Variants in EAF1 observed in about 807,000 individuals in gnomAD.
EAF1 encodes ELL-associated factor 1.
In EAF1, 19 loss-of-function variants were observed where a neutral mutation model predicts 26.6. The ratio of observed to expected loss-of-function variants is 0.71; its 90% CI spans 0.50 to 1.05. The LOEUF is 1.05. Among genes scored for constraint, EAF1 ranks in the 50% least tolerant of loss-of-function variants. The pLI is 0.00. For synonymous variants in EAF1, 102 were observed against 120.6 expected (o/e 0.85, Z 1.01); for missense variants, 260 against 335.5 (o/e 0.78, Z 1.76).
Position 15,439,915 on chromosome 3 carries a change from T to A in EAF1, c.*760T>A, listed in dbSNP as rs961121440. 6.6e-6 allele frequency: 1 copy of A among 152,222 alleles called. No individual in the cohort carries two copies. Among genetic ancestry groups the A allele is most frequent in the African/African-American group, 2.4e-5 (1 of 41,446 alleles). 9.4% of individuals were successfully genotyped at this position (152,222 alleles called of 1,614,324 possible). A position where few individuals can be genotyped will look rare whatever the true frequency, so the allele number is the denominator to read the frequency against. On this transcript the variant is annotated 3_prime_UTR_variant, in exon 6 of 6. Coordinates refer to ENST00000396842, the MANE Select transcript of EAF1 (RefSeq NM_033083.7). ...TTTTAGATGTACATTGGCACTTGGATTAGATTCCAAAAGACAAAAGTGTTG... is the reference window on the plus strand; with the variant it reads ...TTTTAGATGTACATTGGCACTTGGAATAGATTCCAAAAGACAAAAGTGTTG...
chr3:15,435,279 C>T (rs1322895974), intron 4 of EAF1, among the ~76,000 whole-genome samples: 1 of 152,216 alleles, frequency 6.6e-6, no homozygotes, highest in Non-Finnish European at 1.5e-5. Flanking sequence ...CTTTCTCCTT[C>T]ACACGATGAA....
rs1294735108 is a variant in EAF1, at chr3:15,439,256, G to A, written c.*101G>A. Reference sequence around the variant, plus strand: ...TGCAAGAGGAAAATGTTATGGATCAGTGACTGTAGTAGGAGTTTGAGGCTC... The same window carrying A: ...TGCAAGAGGAAAATGTTATGGATCAATGACTGTAGTAGGAGTTTGAGGCTC... On this transcript the variant is annotated 3_prime_UTR_variant, in exon 6 of 6. Transcript: ENST00000396842. The A allele has an allele frequency of 2.6e-5, 30 of 1,170,930 alleles. No homozygotes were observed. The highest frequency in any genetic ancestry group is 3.9e-4 in the Middle Eastern group (2 of 5,168). 72.5% of individuals were successfully genotyped at this position (1,170,930 alleles called of 1,614,324 possible).
chr3:15,432,791 ATT>A (rs879743151), intron 3 of EAF1, among the ~76,000 whole-genome samples: 2 of 146,140 alleles, frequency 1.4e-5, no homozygotes, highest in African/African-American at 2.5e-5. Context: ...ATAATACAGT[ATT>A]TTTTTTTTTT....
intron 4 of EAF1, among the ~76,000 whole-genome samples, chr3:15,435,163 G>A (rs2061827662): frequency 6.6e-6 from 1 of 152,184 alleles, no homozygotes; most frequent in African/African-American, 2.4e-5. Flanking sequence ...GTGTAAATAT[G>A]AAAGAGGCCA....
intron 1 of EAF1, 26 bp downstream of exon 1, chr3:15,427,908 C>T (rs764077366): frequency 3.4e-5 from 52 of 1,507,436 alleles, no homozygotes; most frequent in Admixed American, 1.5e-4. Context: ...CCACGGTTCC[C>T]TTCGGCCGCT....
intron 3 of EAF1, among the ~76,000 whole-genome samples, chr3:15,433,476 C>T (rs1057054343): frequency 1.3e-5 from 2 of 152,174 alleles, no homozygotes; most frequent in African/African-American, 4.8e-5. Context: ...TATGCAGAAT[C>T]TCAACACCTA....
intron 5 of EAF1, among the ~76,000 whole-genome samples, chr3:15,436,935 G>T (rs528092785): frequency 6.6e-6 from 1 of 152,068 alleles, no homozygotes. Flanking sequence ...TCACTCTGTC[G>T]CCCAGGCTGG....
chr3:15,440,641 A>T lies in EAF1; in HGVS notation c.*1486A>T, dbSNP rs966203827. 6.6e-6 allele frequency: 1 copy of T among 152,564 alleles called. No homozygotes were observed. The highest frequency in any genetic ancestry group is 2.4e-5 in the African/African-American group (1 of 41,418). The allele number at this position is 152,564 out of a possible 1,614,324, so 9.5% of individuals were successfully genotyped here. A position where few individuals can be genotyped will look rare whatever the true frequency, so the allele number is the denominator to read the frequency against. On this transcript the variant is annotated 3_prime_UTR_variant, in exon 6 of 6. Coordinates refer to ENST00000396842, the MANE Select transcript of EAF1 (RefSeq NM_033083.7). ...GGGGCTTTCATTAGAGTTAAACTTCATAGAGTCAACTGTTTCATCATCATA... is the reference window on the plus strand; with the variant it reads ...GGGGCTTTCATTAGAGTTAAACTTCTTAGAGTCAACTGTTTCATCATCATA...
rs2061876621 is a variant in EAF1 at position 15,442,370 on chromosome 3, G to C, written c.*3215G>C. On this transcript the variant is annotated 3_prime_UTR_variant, in exon 6 of 6. Coordinates refer to ENST00000396842, the MANE Select transcript of EAF1 (RefSeq NM_033083.7). ...TCTGAAACTCAGGCCTTAACCAATA[G>C]GTTGGAAGACAAGACCAATTGAAGA... The C allele has an allele frequency of 6.6e-6, 1 of 152,554 alleles. No homozygotes were observed. Among genetic ancestry groups the C allele is most frequent in the African/African-American group, 2.4e-5 (1 of 41,414 alleles). The allele number at this position is 152,554 out of a possible 1,614,324, so 9.5% of individuals were successfully genotyped here.
rs1253839392 is a variant in EAF1 at position 15,429,916 on chromosome 3, A to AT, written c.111dup (p.Lys38Ter). On this transcript the variant is annotated frameshift_variant, in exon 2 of 6. Transcript: ENST00000396842. LOFTEE classifies it high-confidence loss of function. Reference sequence around the variant, plus strand: ...GCTTTTTTTCCTTTCCCTTTAGATGATTTTAAACCAGCATCTATAGACACT... The same window carrying AT: ...GCTTTTTTTCCTTTCCCTTTAGATGATTTTTAAACCAGCATCTATAGACACT... 1 of 1,611,976 alleles carries AT rather than the reference A, an allele frequency of 6.2e-7. No homozygotes were observed. The highest frequency in any genetic ancestry group is 1.7e-5 in the Admixed American group (1 of 59,918).
At chr3:15,429,324 A>G (rs1248110055) in intron 1 of EAF1, among the ~76,000 whole-genome samples, 1 of 150,824 alleles carries the variant, frequency 6.6e-6, no homozygotes, top group African/African-American at 2.4e-5. Flanking sequence ...GCATAGTGAG[A>G]CCCCATCACT....
chr3:15,432,572 T>C (rs1168458305), intron 3 of EAF1, among the ~76,000 whole-genome samples: 1 of 152,194 alleles, frequency 6.6e-6, no homozygotes, highest in Non-Finnish European at 1.5e-5. Context: ...ATATATACTA[T>C]ACTTAACTGG....
intron 3 of EAF1, 68 bp from the exon 4 acceptor site, chr3:15,434,280 A>G: frequency 6.4e-7 from 1 of 1,564,882 alleles, no homozygotes; most frequent in Non-Finnish European, 8.7e-7. Flanking sequence ...CTGAGTTTTC[A>G]GTCACCTGGA....
At chr3:15,431,554 G>T (rs1486578783) in intron 2 of EAF1, among the ~76,000 whole-genome samples, 1 of 152,242 alleles carries the variant, frequency 6.6e-6, no homozygotes, top group Non-Finnish European at 1.5e-5. Context: ...GTAGTGCAAG[G>T]CCAAGTGGCT....
rs1421525355 is a variant in EAF1 at position 15,429,849 on chromosome 3, A to G, written c.104-64A>G. On this transcript the variant is annotated intron_variant, in intron 1 of 5. Transcript: ENST00000396842. Reference sequence around the variant, plus strand: ...TAATAATTTTAATTCTTAAATGGAGATGCCCAGGAAACCCTTATTATAAGT... The same window carrying G: ...TAATAATTTTAATTCTTAAATGGAGGTGCCCAGGAAACCCTTATTATAAGT... 3 of 939,054 alleles carry G rather than the reference A, an allele frequency of 3.2e-6. No individual in the cohort carries two copies. The African/African-American group carries it at 4.9e-5, about 15-fold the overall frequency. The allele number at this position is 939,054 out of a possible 1,614,324, so 58.2% of individuals were successfully genotyped here. A position where few individuals can be genotyped will look rare whatever the true frequency, so the allele number is the denominator to read the frequency against.
chr3:15,430,157 G>A, intron 2 of EAF1, 150 bp downstream of exon 2: 1 of 604,882 alleles, frequency 1.7e-6, no homozygotes, highest in South Asian at 2.1e-5. Flanking sequence ...AGTGGGGTGG[G>A]GTGGACTTCA....
chr3:15,437,569 A>G (rs1011155165), intron 5 of EAF1, among the ~76,000 whole-genome samples: 5 of 152,164 alleles, frequency 3.3e-5, no homozygotes, highest in Non-Finnish European at 7.3e-5. Context: ...AAAAGCATGA[A>G]CCACCATGCC....
At chr3:15,435,784 A>G (rs1480621323) in intron 4 of EAF1, among the ~76,000 whole-genome samples, 1 of 152,196 alleles carries the variant, frequency 6.6e-6, no homozygotes, top group Non-Finnish European at 1.5e-5. Context: ...TCTTCCTGCA[A>G]ACCTCCATTT....
In EAF1 at chr3:15,434,202, C is replaced by T; in HGVS notation, c.336-146C>T. 4 of 868,382 alleles carry T rather than the reference C, an allele frequency of 4.6e-6. No homozygotes were observed. In the South Asian group the frequency reaches 6.9e-5, roughly 15 times the overall value. 53.8% of individuals were successfully genotyped at this position (868,382 alleles called of 1,614,324 possible). On this transcript the variant is annotated intron_variant, in intron 3 of 5. Transcript: ENST00000396842. ...ACTCAAATGTTGAATGAATAGCTCA[C>T]ATGACAAAATTACAAGTATCAGTAT... is the stretch of plus-strand genomic sequence containing the variant.
Sources: gnomAD v4.1 joint callset for allele counts (sites outside exome capture counted in the v4.1 genomes callset) on GRCh38, gnomAD v4.1.1 for gene constraint, MANE v1.5 for transcripts, NCBI Gene and HGNC (gene_info 2026-07-23, HGNC 2026-07-21) for gene names.